Variants in DOCK7 observed in about 807,000 individuals in gnomAD.
DOCK7 encodes dedicator of cytokinesis 7.
A neutral mutation model predicts 271.0 loss-of-function variants in DOCK7; 138 were observed. That is an observed-to-expected ratio of 0.51 (90% confidence interval 0.44 to 0.59). DOCK7 has a LOEUF of 0.59. DOCK7 is among the 20% of genes least tolerant of loss of function. DOCK7 has a pLI of 0.00. For missense variants in DOCK7, 2,066 were observed against 2,592.4 expected, an observed-to-expected ratio of 0.80 and a Z score of 4.41; for synonymous variants, 823 against 876.1, an observed-to-expected ratio of 0.94 and a Z score of 1.07.
At chr1:62,516,112 A>T (rs1458074264) in intron 31 of DOCK7, among the ~76,000 whole-genome samples, 1 of 152,216 alleles carries the variant, frequency 6.6e-6, no homozygotes, top group African/African-American at 2.4e-5. Flanking sequence ...AAAATGTTTA[A>T]AACTTTCAGG....
intron 14 of DOCK7, chr1:62,607,635 A>C (rs919150627): frequency 6.6e-6 from 1 of 152,242 alleles, no homozygotes; most frequent in Non-Finnish European, 1.5e-5. Context: ...GTGTAACAGC[A>C]GAGGATAATG....
intron 48 of DOCK7, among the ~76,000 whole-genome samples, chr1:62,461,575 G>C (rs1010970463): frequency 6.6e-6 from 1 of 151,580 alleles, no homozygotes. Flanking sequence ...GCTGAGGCAG[G>C]AGGATCGCTT....
At chr1:62,599,138 C>G (rs1407005515) in intron 14 of DOCK7, among the ~76,000 whole-genome samples, 1 of 152,036 alleles carries the variant, frequency 6.6e-6, no homozygotes, top group Non-Finnish European at 1.5e-5. Context: ...CAAATTAGAT[C>G]ATGTTTCTCT....
Position 62,457,719 on chromosome 1 carries a change from G to A in DOCK7, c.6213-14C>T. On this transcript the variant is annotated splice_polypyrimidine_tract_variant and intron_variant, in intron 48 of 49. Coordinates refer to ENST00000635253, the MANE Select transcript of DOCK7 (RefSeq NM_001367561.1). The stretch of plus-strand genomic sequence containing the variant: ...GCATCTTCACACCTAGGAAAAACAG[G>A]ATGTTATCAAGATATTACTTCTGGC... 1 of 1,610,436 alleles carries A rather than the reference G, an allele frequency of 6.2e-7. No individual in the cohort carries two copies. The highest frequency in any genetic ancestry group is 8.5e-7 in the Non-Finnish European group (1 of 1,178,674).
rs1037917109 is a variant in DOCK7 at position 62,535,405 on chromosome 1, C to T, written c.3611+88G>A. ...AAAAAGAGTGTGAAAGATTATTCTC[C>T]TAATCCTCAGGAAATGTGAGTGGAA... On this transcript the variant is annotated intron_variant, in intron 29 of 49. Transcript: ENST00000635253. The T allele has an allele frequency of 5.2e-6, 6 of 1,156,350 alleles. No homozygotes were observed. In the Admixed American group the frequency reaches 7.2e-5, roughly 14 times the overall value. 71.6% of individuals were successfully genotyped at this position (1,156,350 alleles called of 1,614,324 possible).
chr1:62,681,121 A>G (rs887962022), intron 1 of DOCK7, among the ~76,000 whole-genome samples: 26 of 152,334 alleles, frequency 1.7e-4, no homozygotes, highest in African/African-American at 6.0e-4. Context: ...AATAGCAAAG[A>G]CTTGGAACCA....
At chr1:62,511,552 A>T (rs1265247414) in intron 33 of DOCK7, among the ~76,000 whole-genome samples, 2 of 152,202 alleles carry the variant, frequency 1.3e-5, no homozygotes, top group Non-Finnish European at 2.9e-5. Context: ...ATAAATTTTT[A>T]AAAATACTGA....
intron 22 of DOCK7, among the ~76,000 whole-genome samples, chr1:62,546,934 A>C (rs970836308): frequency 6.6e-6 from 1 of 152,142 alleles, no homozygotes; most frequent in African/African-American, 2.4e-5. Flanking sequence ...CAATTTTTAC[A>C]GTCACTACTC....
At chr1:62,619,870 C>A in intron 13 of DOCK7, 30 bp downstream of exon 13, 4 of 1,435,562 alleles carry the variant, frequency 2.8e-6, no homozygotes, top group Non-Finnish European at 3.9e-6. Flanking sequence ...ATAATAGTTG[C>A]AACCATTTCT....
chr1:62,686,701 A>C (rs1452063759), intron 1 of DOCK7, among the ~76,000 whole-genome samples: 1 of 152,196 alleles, frequency 6.6e-6, no homozygotes, highest in Non-Finnish European at 1.5e-5. Flanking sequence ...TCCTATTATT[A>C]TTCTCATTTG....
chr1:62,467,815 T>C (rs773222596), intron 48 of DOCK7, among the ~76,000 whole-genome samples: 1 of 151,950 alleles, frequency 6.6e-6, no homozygotes, highest in Non-Finnish European at 1.5e-5. Context: ...AAGAAAACCA[T>C]AGAACAATAT....
At chr1:62,621,675 T>C (rs1653258577) in intron 12 of DOCK7, among the ~76,000 whole-genome samples, 1 of 152,192 alleles carries the variant, frequency 6.6e-6, no homozygotes, top group Non-Finnish European at 1.5e-5. Flanking sequence ...TTAAAAAGCT[T>C]TTAGTTTTAT....
rs532479126 is a variant in DOCK7, at chr1:62,505,385, G to A, written c.4611+297C>T. ...ACAGAACCAAGTGAAGAGAAAACAA[G>A]AGAAGCCCCATATTTAAGATTGGCT... On this transcript the variant is annotated intron_variant, in intron 36 of 49. Coordinates refer to ENST00000635253, the MANE Select transcript of DOCK7 (RefSeq NM_001367561.1). 1.3e-5 allele frequency among the ~76,000 whole-genome samples: 2 copies of A among 152,194 alleles called. 1 individual carries two copies. Among genetic ancestry groups the A allele is most frequent in the South Asian group, 4.1e-4 (2 of 4,822 alleles).
rs369825012 is a variant in DOCK7 at position 62,633,644 on chromosome 1, T to C, written c.1036-66A>G. ...CCTGAAATTCAAGGATGGTTCAATA[T>C]ACGAAAATCAATATAACACATTAAC... On this transcript the variant is annotated intron_variant, in intron 9 of 49. Transcript: ENST00000635253. 5.4e-6 allele frequency: 6 copies of C among 1,120,314 alleles called. No individual in the cohort carries two copies. In the South Asian group the frequency reaches 6.5e-5, roughly 12 times the overall value. The allele number at this position is 1,120,314 out of a possible 1,614,324, so 69.4% of individuals were successfully genotyped here.
At chr1:62,610,724 G>T (rs1651671260) in intron 14 of DOCK7, among the ~76,000 whole-genome samples, 1 of 151,988 alleles carries the variant, frequency 6.6e-6, no homozygotes, top group African/African-American at 2.4e-5. Context: ...TTGGTTTTCT[G>T]TTCCTGTGTT....
intron 41 of DOCK7, among the ~76,000 whole-genome samples, chr1:62,492,142 C>T (rs908433690): frequency 1.5e-4 from 23 of 151,828 alleles, no homozygotes; most frequent in Admixed American, 1.5e-3. Flanking sequence ...TATCTTGAGC[C>T]CAGGAGTTTG....
At chr1:62,653,950 C>T (rs779023136) in intron 3 of DOCK7, 34 bp downstream of exon 3, 8 of 1,599,082 alleles carry the variant, frequency 5.0e-6, no homozygotes, top group Non-Finnish European at 6.8e-6. Context: ...TCTATAGTTC[C>T]TCTAAAGCCA....
chr1:62,550,159 T>C (rs954989505), intron 22 of DOCK7, among the ~76,000 whole-genome samples: 2 of 152,188 alleles, frequency 1.3e-5, no homozygotes, highest in Non-Finnish European at 2.9e-5. Flanking sequence ...TGAATGGGAA[T>C]GATTCAGTAT....
chr1:62,545,980 C>A (rs1013517042), intron 22 of DOCK7, among the ~76,000 whole-genome samples: 4 of 152,014 alleles, frequency 2.6e-5, no homozygotes, highest in African/African-American at 9.7e-5. Flanking sequence ...GGAACTGGAG[C>A]AAGTTGTAAA....
Sources: allele counts gnomAD v4.1 joint callset (sites outside exome capture counted in the v4.1 genomes callset), GRCh38; gene constraint gnomAD v4.1.1; transcripts MANE v1.5; gene names NCBI Gene and HGNC (gene_info 2026-07-23, HGNC 2026-07-21).